RTKN2: variants seen among roughly 807,000 people sequenced by gnomAD.
RTKN2 encodes rhotekin 2, also known as rhotekin-2.
RTKN2 carries 69 observed loss-of-function variants against 71.5 expected under a neutral mutation model. That is an observed-to-expected ratio of 0.96 (90% confidence interval 0.79 to 1.18). The LOEUF (loss-of-function observed/expected upper bound fraction) is 1.18, where lower values mean the gene tolerates loss of function less well. Ranked by LOEUF, RTKN2 falls within the 50% of genes most tolerant of loss-of-function variation. RTKN2 has a pLI of 0.00. For missense variants in RTKN2, 724 were observed against 719.7 expected (o/e 1.01, Z -0.07); for synonymous variants, 236 against 236.5 (o/e 1.00, Z 0.02).
chr10:62,262,505 T>C lies in RTKN2; in HGVS notation c.257+120A>G, dbSNP rs1034425505. 8.7e-5 allele frequency: 56 copies of C among 640,526 alleles called. No individual in the cohort carries two copies. The Admixed American group carries it at 1.7e-3, about 20-fold the overall frequency. The allele number at this position is 640,526 out of a possible 1,614,324, so 39.7% of individuals were successfully genotyped here. The stretch of plus-strand genomic sequence containing the variant: ...TTTATGATGTCAGCTGCTACTTCAG[T>C]GTATTTGTTTTTTAAAACAGTTTGG... On this transcript the variant is annotated intron_variant, in intron 2 of 11. Coordinates refer to ENST00000373789, the MANE Select transcript of RTKN2 (RefSeq NM_145307.4).
chr10:62,194,757 A>G lies in RTKN2; in HGVS notation c.*3151T>C, dbSNP rs1031360010. 7.1e-6 allele frequency: 7 copies of G among 985,316 alleles called. No homozygotes were observed. In the Admixed American group the frequency reaches 3.7e-4, roughly 52 times the overall value. 61.0% of individuals were successfully genotyped at this position (985,316 alleles called of 1,614,324 possible). A position where few individuals can be genotyped will look rare whatever the true frequency, so the allele number is the denominator to read the frequency against. ...GCCTAAAGAAATACTTGACTGCTTA[A>G]CCTACCTTACGTGAGGTATCTCTAA... is the stretch of plus-strand genomic sequence containing the variant. On this transcript the variant is annotated 3_prime_UTR_variant, in exon 12 of 12. Transcript: ENST00000373789.
At chr10:62,237,610 T>C (rs1250157269) in intron 5 of RTKN2, among the ~76,000 whole-genome samples, 2 of 151,964 alleles carry the variant, frequency 1.3e-5, no homozygotes, top group African/African-American at 4.8e-5. Flanking sequence ...GAAATGACTG[T>C]TCTTCCAAAA....
In RTKN2 at chr10:62,217,105, G is replaced by C; in HGVS notation, c.1020+13C>G. The C allele has an allele frequency of 2.6e-6, 4 of 1,541,420 alleles. No homozygotes were observed. The highest frequency in any genetic ancestry group is 3.5e-6 in the Non-Finnish European group (4 of 1,149,188). On this transcript the variant is annotated intron_variant, in intron 9 of 11. Coordinates refer to ENST00000373789, the MANE Select transcript of RTKN2 (RefSeq NM_145307.4). ...AGATGTATATTTTTTTCTCAAAATA[G>C]CATTTCCTTTACCTTGTTAATGGGT...
intron 2 of RTKN2, among the ~76,000 whole-genome samples, chr10:62,252,879 AATT>A (rs574433542): frequency 1.2e-4 from 19 of 152,176 alleles, no homozygotes; most frequent in African/African-American, 4.1e-4. Flanking sequence ...TTTTATATAA[AATT>A]ATAGTAACTA....
At position 62,196,179 on chromosome 10, in the gene RTKN2, A is replaced by G; in HGVS notation, c.*1729T>C. The G allele has an allele frequency of 1.0e-6, 1 of 979,748 alleles. No individual in the cohort carries two copies. Among genetic ancestry groups the G allele is most frequent in the African/African-American group, 1.7e-5 (1 of 57,228 alleles). The allele number at this position is 979,748 out of a possible 1,614,324, so 60.7% of individuals were successfully genotyped here. On this transcript the variant is annotated 3_prime_UTR_variant, in exon 12 of 12. Coordinates refer to ENST00000373789, the MANE Select transcript of RTKN2 (RefSeq NM_145307.4). ...CAATGAAGTTTTAAAAAATAACCCA[A>G]AAATTCAAACAATAATATCCTTTAG...
At chr10:62,205,051 T>C in intron 9 of RTKN2, 29 bp from the exon 10 acceptor site, 5 of 1,553,330 alleles carry the variant, frequency 3.2e-6, no homozygotes, top group Non-Finnish European at 4.3e-6. Flanking sequence ...ATTGGGGTTT[T>C]GCATGAGAAA....
At chr10:62,267,942 G>A (rs1482326314) in intron 1 of RTKN2, among the ~76,000 whole-genome samples, 1 of 152,192 alleles carries the variant, frequency 6.6e-6, no homozygotes, top group Non-Finnish European at 1.5e-5. Context: ...GGTTTCTAAC[G>A]CATTTTACAT....
chr10:62,252,209 T>G (rs1165655514), intron 2 of RTKN2, among the ~76,000 whole-genome samples: 1 of 152,060 alleles, frequency 6.6e-6, no homozygotes, highest in Non-Finnish European at 1.5e-5. Context: ...AAAAGTACTT[T>G]CAGTCTCCAG....
intron 11 of RTKN2, 77 bp downstream of exon 11, chr10:62,199,677 C>T: frequency 3.8e-6 from 3 of 796,488 alleles, no homozygotes; most frequent in Non-Finnish European, 6.2e-6. Flanking sequence ...ATTTTAATGT[C>T]AATAGAATAA....
chr10:62,219,091 A>C (rs1391992847), intron 7 of RTKN2, among the ~76,000 whole-genome samples: 4 of 152,214 alleles, frequency 2.6e-5, no homozygotes, highest in African/African-American at 7.2e-5. Context: ...TGAACAATTC[A>C]GTCATAAGCC....
At chr10:62,233,281 T>C (rs1189605362) in intron 6 of RTKN2, among the ~76,000 whole-genome samples, 2 of 152,206 alleles carry the variant, frequency 1.3e-5, no homozygotes, top group Admixed American at 1.3e-4. Context: ...GATCTCTTTC[T>C]GCACTAAAAC....
chr10:62,233,406 G>A (rs1170724290), intron 6 of RTKN2, among the ~76,000 whole-genome samples: 4 of 152,038 alleles, frequency 2.6e-5, no homozygotes, highest in Non-Finnish European at 5.9e-5. Flanking sequence ...TATTAATGCA[G>A]AAAAGTTTTA....
At chr10:62,200,174 C>G (rs895395843) in intron 10 of RTKN2, among the ~76,000 whole-genome samples, 2 of 151,704 alleles carry the variant, frequency 1.3e-5, no homozygotes, top group Non-Finnish European at 2.9e-5. Flanking sequence ...ACCAGCCTGG[C>G]CAACATGGGG....
chr10:62,239,692 C>A lies in RTKN2; in HGVS notation c.444G>T (p.Val148=). ...AACATATATCTGTGATTGTTTTATC[C>A]ACATTCACCACATCAGTATCAAACA... is the stretch of plus-strand genomic sequence containing the variant. The part of the protein sequence containing the change: ...ANVFDTDVVN[V]DKTITDICFE... The change falls in exon 5 of 12, where the codon GTG becomes GTT. Residue 148 remains valine (V), a synonymous_variant. Transcript: ENST00000373789. The A allele has an allele frequency of 6.4e-7, 1 of 1,571,882 alleles. No individual in the cohort carries two copies.
intron 10 of RTKN2, among the ~76,000 whole-genome samples, chr10:62,202,691 C>T (rs532863581): frequency 6.6e-6 from 1 of 152,132 alleles, no homozygotes; most frequent in African/African-American, 2.4e-5. Context: ...GTTGACAGTA[C>T]AAAAATGTCA....
Position 62,195,875 on chromosome 10 carries a change from T to G in RTKN2, c.*2033A>C, listed in dbSNP as rs1406341718. 1.0e-6 allele frequency: 1 copy of G among 985,256 alleles called. No homozygotes were observed. The highest frequency in any genetic ancestry group is 6.2e-5 in the Admixed American group (1 of 16,246). 61.0% of individuals were successfully genotyped at this position (985,256 alleles called of 1,614,324 possible). A position where few individuals can be genotyped will look rare whatever the true frequency, so the allele number is the denominator to read the frequency against. On this transcript the variant is annotated 3_prime_UTR_variant, in exon 12 of 12. Transcript: ENST00000373789. ...TTCTAGGTAAAAAGGGCTTCAGTCC[T>G]GTTTCAAAGTTCTACTCTGAGGGCA...
At chr10:62,240,148 G>A (rs1235840111) in intron 4 of RTKN2, among the ~76,000 whole-genome samples, 1 of 151,464 alleles carries the variant, frequency 6.6e-6, no homozygotes, top group Admixed American at 6.6e-5. Flanking sequence ...TGGTTTCCAA[G>A]TCTATTTAAG....
intron 6 of RTKN2, among the ~76,000 whole-genome samples, 191 bp downstream of exon 6, chr10:62,235,875 C>T (rs1449152927): frequency 1.3e-5 from 2 of 152,018 alleles, no homozygotes; most frequent in Non-Finnish European, 2.9e-5. Flanking sequence ...TAAAAACACT[C>T]TCACCCAACT....
At chr10:62,226,486 T>C (rs563029606) in intron 6 of RTKN2, among the ~76,000 whole-genome samples, 4 of 152,358 alleles carry the variant, frequency 2.6e-5, no homozygotes, top group East Asian at 1.9e-4. Flanking sequence ...TCAATGTTTA[T>C]ATAGGAAAAT....
Sources: allele counts gnomAD v4.1 joint callset (sites outside exome capture counted in the v4.1 genomes callset), GRCh38; gene constraint gnomAD v4.1.1; transcripts MANE v1.5; gene names NCBI Gene and HGNC (gene_info 2026-07-23, HGNC 2026-07-21).